GMEB2: variants seen among roughly 807,000 people sequenced by gnomAD.
The protein encoded by GMEB2 is glucocorticoid modulatory element binding protein 2, also known as glucocorticoid modulatory element-binding protein 2.
Under a neutral mutation model 45.7 loss-of-function variants are expected in GMEB2, and 7 were observed. The ratio of observed to expected loss-of-function variants is 0.15; its 90% CI spans 0.09 to 0.29. GMEB2 has a LOEUF of 0.29. Ranked by LOEUF, GMEB2 falls within the 10% of genes least tolerant of loss-of-function variation. GMEB2 has a pLI of 1.00. For missense variants in GMEB2, 582 were observed against 739.2 expected (o/e 0.79, Z 2.47); for synonymous variants, 322 against 323.6 (o/e 1.00, Z 0.05).
rs533346887 is a variant in GMEB2, at chr20:63,614,425, C to A, written c.131+4842G>T. Among the ~76,000 whole-genome samples, 6 of 152,350 alleles carry A rather than the reference C, an allele frequency of 3.9e-5. No homozygotes were observed. In the South Asian group the frequency reaches 1.2e-3, roughly 32 times the overall value. ...CTCCTTGGTCTAGCGGTAACGCCAG[C>A]ATCTGGGAAGACGCCCGTTGCCAAG... On this transcript the variant is annotated intron_variant, in intron 2 of 9. Coordinates refer to ENST00000370077, the MANE Select transcript of GMEB2 (RefSeq NM_012384.5).
At chr20:63,626,702 AGCCCGC>A (rs962421140) in intron 1 of GMEB2, among the ~76,000 whole-genome samples, 15 of 150,566 alleles carry the variant, frequency 1.0e-4, no homozygotes, top group African/African-American at 1.7e-4. Context: ...CTGGAGGCCG[AGCCCGC>A]GCCCGCCCGC....
chr20:63,592,536 G>C lies in GMEB2; in HGVS notation c.826C>G (p.Arg276Gly). ...GAGGGAAGATGCAGCTTCTCACCTCGAAGCTGCAGGGGAGGGTCCTGGACC... is the reference window on the plus strand; with the variant it reads ...GAGGGAAGATGCAGCTTCTCACCTCCAAGCTGCAGGGGAGGGTCCTGGACC... ...QRVQDPPLQL[R>G]DAVLLNNIVQ... Residue 276 changes from arginine (R) to glycine (G), a missense_variant, in exon 8 of 10, where the codon CGA (arginine) becomes GGA (glycine). Physicochemically the swap from Arg to Gly is moderately radical, Grantham distance 125. Coordinates refer to ENST00000370077, the MANE Select transcript of GMEB2 (RefSeq NM_012384.5). The surrounding 1 kb of genome is among the most constrained non-coding windows in gnomAD (Gnocchi z 8.2). The C allele has an allele frequency of 6.2e-7, 1 of 1,609,194 alleles. No individual in the cohort carries two copies. The highest frequency in any genetic ancestry group is 8.5e-7 in the Non-Finnish European group (1 of 1,177,092).
intron 2 of GMEB2, among the ~76,000 whole-genome samples, chr20:63,610,059 T>C (rs531819123): frequency 2.6e-5 from 4 of 152,378 alleles, no homozygotes; most frequent in African/African-American, 9.6e-5. Flanking sequence ...GAGGGTTGTC[T>C]GAAACAGGGA....
chr20:63,600,133 C>T (rs1056198564), intron 4 of GMEB2, among the ~76,000 whole-genome samples: 7 of 152,130 alleles, frequency 4.6e-5, no homozygotes, highest in Non-Finnish European at 8.8e-5. Context: ...ACCTCCGCCT[C>T]CCGGGTTCAA....
At chr20:63,621,755 T>C (rs747628422) in intron 1 of GMEB2, among the ~76,000 whole-genome samples, 12 of 148,814 alleles carry the variant, frequency 8.1e-5, no homozygotes, top group African/African-American at 3.0e-4. Flanking sequence ...AACACTGTAA[T>C]GCTACTATAA....
intron 3 of GMEB2, 25 bp from the exon 4 acceptor site, chr20:63,603,117 A>C (rs370230322): frequency 6.2e-7 from 1 of 1,613,168 alleles, no homozygotes; most frequent in East Asian, 2.2e-5. Flanking sequence ...ATTGACAGGG[A>C]AGGGTAAAAG....
chr20:63,610,547 C>A (rs1334449271), intron 2 of GMEB2, among the ~76,000 whole-genome samples: 1 of 151,980 alleles, frequency 6.6e-6, no homozygotes, highest in African/African-American at 2.4e-5. Context: ...ACAAAAAAAA[C>A]ATGTAGCAAG....
intron 4 of GMEB2, among the ~76,000 whole-genome samples, chr20:63,598,695 G>A (rs549551033): frequency 2.0e-5 from 3 of 152,226 alleles, no homozygotes; most frequent in Middle Eastern, 3.4e-3. Flanking sequence ...TGCCACAGAC[G>A]GGAACACTAA....
At chr20:63,590,776 T>G (rs539049921) in intron 9 of GMEB2, 47 bp from the exon 10 acceptor site, 3 of 1,234,778 alleles carry the variant, frequency 2.4e-6, no homozygotes, top group Non-Finnish European at 3.3e-6. Flanking sequence ...GGGGCATGGA[T>G]GGCGGCATGC....
Position 63,593,051 on chromosome 20 carries a change from C to T in GMEB2, c.651G>A (p.Glu217=), listed in dbSNP as rs1485779012. 6.2e-7 allele frequency: 1 copy of T among 1,612,246 alleles called. No homozygotes were observed. Among genetic ancestry groups the T allele is most frequent in the African/African-American group, 1.3e-5 (1 of 74,894 alleles). The stretch of plus-strand genomic sequence containing the variant: ...TCCAGTCGCCAGGGTCTTCACAGGT[C>T]TCTATGGTGATGGTCGCAGGAGACC... ...VNGSPATITI[E]TCEDPGDWTA... The change falls in exon 7 of 10, where the codon GAG becomes GAA. Residue 217 remains glutamate (E), a synonymous_variant. Coordinates refer to ENST00000370077, the MANE Select transcript of GMEB2 (RefSeq NM_012384.5). The surrounding 1 kb of genome is among the most constrained non-coding windows in gnomAD (Gnocchi z 4.7).
Position 63,592,394 on chromosome 20 carries a change from A to G in GMEB2, c.829+139T>C, listed in dbSNP as rs971005937. 1.0e-5 allele frequency: 7 copies of G among 678,492 alleles called. No homozygotes were observed. Among genetic ancestry groups the G allele is most frequent in the Admixed American group, 8.6e-5 (3 of 34,826 alleles). 42.0% of individuals were successfully genotyped at this position (678,492 alleles called of 1,614,324 possible). A position where few individuals can be genotyped will look rare whatever the true frequency, so the allele number is the denominator to read the frequency against. On this transcript the variant is annotated intron_variant, in intron 8 of 9. Coordinates refer to ENST00000370077, the MANE Select transcript of GMEB2 (RefSeq NM_012384.5). The surrounding 1 kb of genome is among the most constrained non-coding windows in gnomAD (Gnocchi z 8.2). ...TCCTCCCACCAAGTTCAGCCTCAGC[A>G]CAGCAGGAGTCCCAAGCCTAGATTC...
chr20:63,600,077 T>G (rs913255501), intron 4 of GMEB2, among the ~76,000 whole-genome samples: 2 of 152,056 alleles, frequency 1.3e-5, no homozygotes, highest in Non-Finnish European at 2.9e-5. Context: ...AGTCTCACTC[T>G]GTCGTCCAGG....
chr20:63,597,831 T>C lies in GMEB2; in HGVS notation c.387A>G (p.Glu129=), dbSNP rs754866091. ...TGGACTTCCCGGCCAGGTGCACAAA[T>C]TCCTTTGGGCTGATTACATGCTCGT... ...QYDEHVISPK[E]FVHLAGKSTL... Residue 129 remains glutamate, a synonymous_variant, in exon 5 of 10, where the codon GAA becomes GAG. Transcript: ENST00000370077. 3 of 1,607,996 alleles carry C rather than the reference T, an allele frequency of 1.9e-6. No homozygotes were observed. The South Asian group carries it at 3.3e-5, about 18-fold the overall frequency.
chr20:63,624,179 G>A (rs994298043), intron 1 of GMEB2, among the ~76,000 whole-genome samples: 1 of 151,906 alleles, frequency 6.6e-6, no homozygotes, highest in Non-Finnish European at 1.5e-5. Flanking sequence ...CACTTTGGAA[G>A]GCCGAGGCGG....
At chr20:63,605,775 T>C (rs953921373) in intron 2 of GMEB2, among the ~76,000 whole-genome samples, 1 of 152,004 alleles carries the variant, frequency 6.6e-6, no homozygotes, top group Non-Finnish European at 1.5e-5. Context: ...GCCAACATGG[T>C]GAAACCTCAT....
At chr20:63,594,365 C>T (rs542640073) in intron 6 of GMEB2, among the ~76,000 whole-genome samples, 10 of 152,356 alleles carry the variant, frequency 6.6e-5, no homozygotes, top group South Asian at 4.1e-4. Flanking sequence ...GCGGTGGAGC[C>T]GCTGGGGAGG....
intron 2 of GMEB2, among the ~76,000 whole-genome samples, chr20:63,617,009 C>CT (rs1252225457): frequency 6.6e-6 from 1 of 151,484 alleles, no homozygotes; most frequent in Non-Finnish European, 1.5e-5. Context: ...GGGTCTCACT[C>CT]TATCACTCAG....
At chr20:63,604,068 A>G (rs1025840328) in intron 3 of GMEB2, among the ~76,000 whole-genome samples, 4 of 39,308 alleles carry the variant, frequency 1.0e-4, no homozygotes, top group Non-Finnish European at 2.7e-4. Flanking sequence ...AAAAAAAAAA[A>G]AACAGAATTT....
intron 1 of GMEB2, among the ~76,000 whole-genome samples, chr20:63,621,440 C>T (rs923143976): frequency 4.6e-5 from 7 of 152,012 alleles, no homozygotes; most frequent in East Asian, 1.9e-4. Flanking sequence ...CTTTGGGAGG[C>T]GGATCGCCTG....
Sources: allele counts gnomAD v4.1 joint callset (sites outside exome capture counted in the v4.1 genomes callset), GRCh38; gene constraint gnomAD v4.1.1; non-coding constraint Gnocchi (gnomAD v3.1); transcripts MANE v1.5; gene names NCBI Gene and HGNC (gene_info 2026-07-23, HGNC 2026-07-21).